Variants in VDAC1 observed in about 807,000 individuals in gnomAD.
The protein encoded by VDAC1 is voltage dependent anion channel 1, also known as non-selective voltage-gated ion channel VDAC1.
A neutral mutation model predicts 34.7 loss-of-function variants in VDAC1; 10 were observed. That is an observed-to-expected ratio of 0.29 (90% CI 0.18 to 0.49). The LOEUF (loss-of-function observed/expected upper bound fraction) is 0.49, where lower values mean the gene tolerates loss of function less well. Among genes scored for constraint, VDAC1 ranks in the 20% least tolerant of loss-of-function variants. The pLI is 0.99. For missense variants in VDAC1, 230 were observed against 347.9 expected (o/e 0.66, Z 2.69); for synonymous variants, 130 against 136.0 (o/e 0.96, Z 0.30).
At position 133,972,205 on chromosome 5, in the gene VDAC1, G is replaced by C. The variant is rs1752321980; in HGVS notation, c.*566C>G. On this transcript the variant is annotated 3_prime_UTR_variant, in exon 9 of 9. Transcript: ENST00000265333. ...CACAACACAAGAAGGAATAAGTCCT[G>C]AATTATTGGCTTCATCACATCCACC... The C allele has an allele frequency of 6.2e-6, 1 of 162,404 alleles. No homozygotes were observed. The allele number at this position is 162,404 out of a possible 1,614,324, so 10.1% of individuals were successfully genotyped here.
the VDAC1 span, among the ~76,000 whole-genome samples, chr5:134,026,372 A>G: frequency 1.4e-4 from 21 of 151,946 alleles, no homozygotes; most frequent in African/African-American, 4.8e-4. Flanking sequence ...AAAATTAGCC[A>G]GGCGTGGTGG....
chr5:134,013,927 G>C, the VDAC1 span, among the ~76,000 whole-genome samples: 26 of 151,804 alleles, frequency 1.7e-4, no homozygotes, highest in Admixed American at 1.0e-3. Flanking sequence ...GGGTGACAGA[G>C]TGAGACTCCG....
chr5:134,003,589 T>C (rs953119204), intron 1 of VDAC1, among the ~76,000 whole-genome samples: 1 of 152,194 alleles, frequency 6.6e-6, no homozygotes, highest in African/African-American at 2.4e-5. Context: ...AAACAGGAGC[T>C]ACATTTATTG....
At chr5:134,013,001 C>A in the VDAC1 span, among the ~76,000 whole-genome samples, 1 of 152,062 alleles carries the variant, frequency 6.6e-6, no homozygotes, top group African/African-American at 2.4e-5. Flanking sequence ...GAAAGGACTC[C>A]CTATTTAATA....
At chr5:134,096,085 C>A in the VDAC1 span, among the ~76,000 whole-genome samples, 1 of 152,234 alleles carries the variant, frequency 6.6e-6, no homozygotes, top group East Asian at 1.9e-4. Context: ...CTCTATCCCG[C>A]GTGCCAGAGG....
chr5:134,054,953 G>A, the VDAC1 span, among the ~76,000 whole-genome samples: 1 of 152,210 alleles, frequency 6.6e-6, no homozygotes, highest in East Asian at 1.9e-4. Context: ...GACCTCAGAG[G>A]TCCGTCCCCA....
At chr5:133,975,414 T>C (rs1304218818) in intron 7 of VDAC1, among the ~76,000 whole-genome samples, 1 of 151,950 alleles carries the variant, frequency 6.6e-6, no homozygotes, top group Non-Finnish European at 1.5e-5. Flanking sequence ...TGGCACTCTT[T>C]TCAAAGTGAG....
intron 5 of VDAC1, 55 bp from the exon 6 acceptor site, chr5:133,981,011 G>T: frequency 9.9e-6 from 14 of 1,408,208 alleles, no homozygotes; most frequent in African/African-American, 1.5e-5. Flanking sequence ...TGAAATGCAA[G>T]TTGTCTTTTT....
the VDAC1 span, among the ~76,000 whole-genome samples, chr5:134,042,227 C>A: frequency 6.6e-6 from 1 of 152,182 alleles, no homozygotes; most frequent in Non-Finnish European, 1.5e-5. Flanking sequence ...TGGCCACGCT[C>A]ACTCATCCTG....
At chr5:134,068,861 GTCT>G in the VDAC1 span, among the ~76,000 whole-genome samples, 2 of 151,774 alleles carry the variant, frequency 1.3e-5, no homozygotes, top group African/African-American at 4.8e-5. Flanking sequence ...GTGCATCTTG[GTCT>G]TCTTTTCTCA....
chr5:134,001,632 G>C (rs558284996), intron 1 of VDAC1, among the ~76,000 whole-genome samples: 5 of 150,602 alleles, frequency 3.3e-5, no homozygotes, highest in Admixed American at 2.7e-4. Flanking sequence ...GCAGAGACTT[G>C]CTTGAACCCG....
At chr5:134,000,519 C>T (rs564748477) in intron 1 of VDAC1, among the ~76,000 whole-genome samples, 1 of 152,306 alleles carries the variant, frequency 6.6e-6, no homozygotes, top group East Asian at 1.9e-4. Flanking sequence ...CCTAAGGCAC[C>T]TCAAGTTCCC....
At chr5:134,057,471 C>T in the VDAC1 span, among the ~76,000 whole-genome samples, 4 of 129,368 alleles carry the variant, frequency 3.1e-5, no homozygotes, top group Admixed American at 2.3e-4. Flanking sequence ...CAGAGTGAGG[C>T]TCCGTCTCAA....
At chr5:134,106,196 T>C in the VDAC1 span, among the ~76,000 whole-genome samples, 2 of 152,216 alleles carry the variant, frequency 1.3e-5, no homozygotes, top group African/African-American at 4.8e-5. Flanking sequence ...GGGTCCACTT[T>C]CCCTAATAAT....
At chr5:134,111,158 G>A in the VDAC1 span, among the ~76,000 whole-genome samples, 236 of 152,236 alleles carry the variant, frequency 1.6e-3, 2 homozygotes, top group Middle Eastern at 0.024. Context: ...AATCTGCCTG[G>A]GGTCCCACAG....
the VDAC1 span, among the ~76,000 whole-genome samples, chr5:134,030,795 T>A: frequency 6.6e-6 from 1 of 151,634 alleles, no homozygotes; most frequent in Non-Finnish European, 1.5e-5. Flanking sequence ...TTAGTAGGGG[T>A]TTTTTAGGGG....
chr5:133,973,786 C>T lies in VDAC1; in HGVS notation c.760+5G>A, dbSNP rs1752382523. 3.1e-6 allele frequency: 5 copies of T among 1,611,296 alleles called. No homozygotes were observed. The highest frequency in any genetic ancestry group is 1.7e-6 in the Non-Finnish European group (2 of 1,179,740). ...GAACCGATTTCACACACAAGCAACA[C>T]ATACCTGGCTTTAGAGTCTGAGTGT... On this transcript the variant is annotated splice_donor_5th_base_variant and intron_variant, in intron 8 of 8. Transcript: ENST00000265333.
the VDAC1 span, among the ~76,000 whole-genome samples, chr5:134,069,100 C>A: frequency 1.2e-4 from 18 of 151,696 alleles, no homozygotes; most frequent in African/African-American, 3.6e-4. Context: ...ACAGCCACCC[C>A]CCATGTTTTA....
chr5:134,039,454 G>A, the VDAC1 span, among the ~76,000 whole-genome samples: 2 of 152,068 alleles, frequency 1.3e-5, no homozygotes, highest in African/African-American at 2.4e-5. Context: ...TCAGCCTTCT[G>A]AGTAGCTGGG....
Sources: gnomAD v4.1 joint callset for allele counts (sites outside exome capture counted in the v4.1 genomes callset) on GRCh38, gnomAD v4.1.1 for gene constraint, MANE v1.5 for transcripts, NCBI Gene and HGNC (gene_info 2026-07-23, HGNC 2026-07-21) for gene names.